Variants in MAMLD1 observed in about 807,000 individuals in gnomAD.
MAMLD1 encodes the protein mastermind-like domain-containing protein 1.
MAMLD1 carries 14 observed loss-of-function variants against 45.0 expected under a neutral mutation model. The observed-to-expected ratio is 0.31, with a 90% CI of 0.21 to 0.49. The LOEUF is 0.49. Ranked by LOEUF, MAMLD1 falls within the 20% of genes least tolerant of loss-of-function variation. The pLI is 0.99. For missense variants in MAMLD1, 543 were observed against 603.6 expected (o/e 0.90, Z 1.05); for synonymous variants, 254 against 247.8 (o/e 1.02, Z -0.24).
intron 1 of MAMLD1, among the ~76,000 whole-genome samples, chrX:150,371,757 A>G (rs1488497532): frequency 1.8e-5 from 2 of 111,798 alleles, no homozygotes; most frequent in East Asian, 5.6e-4. Context: ...GAGGAGGAAG[A>G]CAGGACCCAG....
chrX:150,495,211 A>AAACAAAC (rs1311923341), intron 5 of MAMLD1, among the ~76,000 whole-genome samples: 4 of 75,398 alleles, frequency 5.3e-5, no homozygotes, highest in Non-Finnish European at 1.2e-4. Context: ...GTCTCAAAAC[A>AAACAAAC]AACAAACAAA....
intron 1 of MAMLD1, among the ~76,000 whole-genome samples, chrX:150,422,219 G>C (rs1557403585): frequency 8.9e-6 from 1 of 112,289 alleles, no homozygotes; most frequent in African/African-American, 3.2e-5. Context: ...TTCTATCCAG[G>C]ATCTTTCAGA....
At chrX:150,362,013 A>G (rs1557400482), upstream of MAMLD1, among the ~76,000 whole-genome samples, 1 of 112,472 alleles carries the variant, frequency 8.9e-6, no homozygotes, top group African/African-American at 3.2e-5. Flanking sequence ...CGACGCCGAC[A>G]GCGTCCGCGC....
intron 1 of MAMLD1, among the ~76,000 whole-genome samples, chrX:150,436,836 G>A (rs1557404297): frequency 9.0e-6 from 1 of 111,461 alleles, no homozygotes; most frequent in South Asian, 3.7e-4. Flanking sequence ...TCTTGGCCTG[G>A]TTCTTTCTCA....
rs185417486 is a variant in MAMLD1, at chrX:150,496,225, G to A, written c.2041-7049G>A. On this transcript the variant is annotated intron_variant, in intron 5 of 7. Transcript: ENST00000370401. ...AATTTGAGGCTGGGAAGGCAGGTGGGGGTTGGGGTGAGGGTTATGTTTTGA... is the reference window on the plus strand; with the variant it reads ...AATTTGAGGCTGGGAAGGCAGGTGGAGGTTGGGGTGAGGGTTATGTTTTGA... Among the ~76,000 whole-genome samples the A allele has an allele frequency of 3.2e-3, 356 of 112,584 alleles. 4 individuals are homozygous for A. Among genetic ancestry groups the A allele is most frequent in the African/African-American group, 0.01 (324 of 31,034 alleles).
At position 150,424,749 on chromosome X, in the gene MAMLD1, T is replaced by C. The variant is rs782025408; in HGVS notation, c.-63-20705T>C. 1.3e-4 allele frequency among the ~76,000 whole-genome samples: 15 copies of C among 112,683 alleles called. No individual in the cohort carries two copies. In the South Asian group the frequency reaches 5.5e-3, roughly 41 times the overall value. ...CAGCCTCATTAAGATATAATTCATA[T>C]ACCATTCAATTAATCCATTGAAAGT... is the stretch of plus-strand genomic sequence containing the variant. On this transcript the variant is annotated intron_variant, in intron 1 of 7. Transcript: ENST00000370401.
intron 5 of MAMLD1, among the ~76,000 whole-genome samples, chrX:150,482,407 C>T (rs1557407378): frequency 8.9e-6 from 1 of 112,066 alleles, no homozygotes; most frequent in African/African-American, 3.2e-5. Flanking sequence ...AGTTTCAGTA[C>T]AGGAAAATGA....
intron 1 of MAMLD1, among the ~76,000 whole-genome samples, chrX:150,393,729 ATCT>A (rs1458428805): frequency 2.7e-5 from 3 of 112,225 alleles, no homozygotes; most frequent in Non-Finnish European, 5.6e-5. Flanking sequence ...CCATTTGTGT[ATCT>A]TCTTTGATGA....
Position 150,512,416 on chromosome X carries a change from A to G in MAMLD1, c.*457A>G, listed in dbSNP as rs1037652423. The G allele has an allele frequency of 7.8e-6, 9 of 1,152,288 alleles. No homozygotes were observed. The highest frequency in any genetic ancestry group is 9.2e-6 in the Non-Finnish European group (8 of 870,708). 95.0% of individuals were successfully genotyped at this position (1,152,288 alleles called of 1,213,427 possible). A position where few individuals can be genotyped will look rare whatever the true frequency, so the allele number is the denominator to read the frequency against. On this transcript the variant is annotated 3_prime_UTR_variant, in exon 8 of 8. Transcript: ENST00000370401. ...TGCCCACTGCGTTCAACAATGCTGC[A>G]TGGGTCACAGCGGCAGCAGCTGTGA...
chrX:150,449,573 T>G (rs1285876081), intron 2 of MAMLD1, among the ~76,000 whole-genome samples: 1 of 111,802 alleles, frequency 8.9e-6, no homozygotes, highest in Non-Finnish European at 1.9e-5. Flanking sequence ...GAAAAAGTGC[T>G]GGACTCAGGA....
chrX:150,438,214 G>A (rs1808497426), intron 1 of MAMLD1, among the ~76,000 whole-genome samples: 3 of 112,102 alleles, frequency 2.7e-5, no homozygotes, highest in Non-Finnish European at 1.9e-5. Flanking sequence ...GCCCAGGAGT[G>A]CAATTACTGG....
chrX:150,433,525 G>A (rs2124578356), intron 1 of MAMLD1, among the ~76,000 whole-genome samples: 1 of 111,691 alleles, frequency 9.0e-6, no homozygotes, highest in East Asian at 2.8e-4. Flanking sequence ...TGCCCATTTA[G>A]TATGATGTTG....
chrX:150,416,017 G>C (rs1163175551), intron 1 of MAMLD1, among the ~76,000 whole-genome samples: 1 of 112,063 alleles, frequency 8.9e-6, no homozygotes, highest in African/African-American at 3.2e-5. Flanking sequence ...CCCCTGAGAA[G>C]AATGGAATAA....
At chrX:150,374,526 G>T (rs1490310589) in intron 1 of MAMLD1, among the ~76,000 whole-genome samples, 9 of 112,652 alleles carry the variant, frequency 8.0e-5, no homozygotes, top group Non-Finnish European at 1.7e-4. Context: ...TTTGATGTGA[G>T]AAATTTAACA....
At chrX:150,455,464 G>C (rs2035824704) in intron 2 of MAMLD1, among the ~76,000 whole-genome samples, 1 of 111,866 alleles carries the variant, frequency 8.9e-6, no homozygotes, top group African/African-American at 3.3e-5. Context: ...CCAAGAATGT[G>C]TTTGCATTTT....
intron 1 of MAMLD1, among the ~76,000 whole-genome samples, chrX:150,431,550 G>T (rs1057466154): frequency 2.7e-5 from 3 of 110,340 alleles, no homozygotes; most frequent in East Asian, 5.7e-4. Flanking sequence ...GTAGTTTTTT[G>T]ATTCTCACCC....
intron 1 of MAMLD1, among the ~76,000 whole-genome samples, chrX:150,398,385 G>GGAA (rs1269926869): frequency 0.012 from 1,207 of 99,878 alleles, 24 homozygotes; most frequent in African/African-American, 0.043. Flanking sequence ...AAGAAGAAGA[G>GGAA]GAAGAAGAAG....
chrX:150,380,786 T>C (rs1370667602), intron 1 of MAMLD1, among the ~76,000 whole-genome samples: 1 of 111,416 alleles, frequency 9.0e-6, no homozygotes, highest in African/African-American at 3.3e-5. Context: ...GGTGTCACTC[T>C]TTCACCCAGT....
intron 1 of MAMLD1, among the ~76,000 whole-genome samples, chrX:150,441,127 CTG>C (rs1284943361): frequency 9.4e-6 from 1 of 106,899 alleles, no homozygotes; most frequent in Non-Finnish European, 1.9e-5. Flanking sequence ...AATGCATAGA[CTG>C]TGAAAGTATC....
Sources: allele counts gnomAD v4.1 joint callset (sites outside exome capture counted in the v4.1 genomes callset), GRCh38; gene constraint gnomAD v4.1.1; transcripts MANE v1.5; gene names NCBI Gene and HGNC (gene_info 2026-07-23, HGNC 2026-07-21).